Variants in ADCY7 observed in about 807,000 individuals in gnomAD.
ADCY7 encodes the protein adenylate cyclase 7, also known as adenylate cyclase type 7.
Under a neutral mutation model 120.6 loss-of-function variants are expected in ADCY7, and 72 were observed. The observed-to-expected ratio is 0.60, with a 90% CI of 0.49 to 0.73. The LOEUF is 0.73. Among genes scored for constraint, ADCY7 ranks in the 30% least tolerant of loss-of-function variants. The pLI is 0.00. For synonymous variants in ADCY7, 661 were observed against 628.0 expected, an observed-to-expected ratio of 1.05 and a Z score of -0.78; for missense variants, 1,227 against 1,486.0, an observed-to-expected ratio of 0.83 and a Z score of 2.87.
chr16:50,301,450 A>G (rs546148335), intron 10 of ADCY7, among the ~76,000 whole-genome samples: 1 of 152,196 alleles, frequency 6.6e-6, no homozygotes, highest in Non-Finnish European at 1.5e-5. Flanking sequence ...CACCAGAAGG[A>G]GCTAATCCGA....
At chr16:50,310,344 G>T in intron 18 of ADCY7, 2 of 940,754 alleles carry the variant, frequency 2.1e-6, no homozygotes, top group South Asian at 1.4e-5. Flanking sequence ...GCACAATCTT[G>T]AGCAGGGCAG....
intron 1 of ADCY7, among the ~76,000 whole-genome samples, chr16:50,257,980 A>G (rs562270331): frequency 3.3e-5 from 5 of 152,250 alleles, no homozygotes; most frequent in African/African-American, 9.6e-5. Flanking sequence ...TCTGGACTCA[A>G]GTGATACGCT....
At chr16:50,281,111 C>T (rs1231006013) in intron 1 of ADCY7, among the ~76,000 whole-genome samples, 2 of 152,186 alleles carry the variant, frequency 1.3e-5, no homozygotes, top group African/African-American at 2.4e-5. Flanking sequence ...TCTCCCTGGA[C>T]CCCATGGTTG....
chr16:50,305,425 G>A, intron 12 of ADCY7, 78 bp from the exon 13 acceptor site: 1 of 1,283,856 alleles, frequency 7.8e-7, no homozygotes, highest in South Asian at 1.2e-5. Flanking sequence ...GACCCCACTG[G>A]TGTCTACGTC....
In ADCY7 at chr16:50,304,476, G is replaced by A; in HGVS notation, c.1485G>A (p.Arg495=). The A allele has an allele frequency of 1.9e-6, 3 of 1,608,604 alleles. No individual in the cohort carries two copies. Among genetic ancestry groups the A allele is most frequent in the Non-Finnish European group, 1.7e-6 (2 of 1,177,764 alleles). Residue 495 remains arginine (R), a synonymous_variant, in exon 11 of 26, where the codon CGG becomes CGA. Coordinates refer to ENST00000673801, the MANE Select transcript of ADCY7 (RefSeq NM_001114.5). ...TRYLESWGAA[R]PFAHLNHRES... ...ACCTCGAGTCCTGGGGGGCGGCACG[G>A]CCCTTTGCACATCTCAACCACCGTG... is the stretch of plus-strand genomic sequence containing the variant.
At position 50,297,554 on chromosome 16, in the gene ADCY7, C is replaced by A. The variant is rs1476471943; in HGVS notation, c.949-1350C>A. Among the ~76,000 whole-genome samples, 2 of 152,160 alleles carry A rather than the reference C, an allele frequency of 1.3e-5. No individual in the cohort carries two copies. The highest frequency in any genetic ancestry group is 2.4e-5 in the African/African-American group (1 of 41,428). The stretch of plus-strand genomic sequence containing the variant: ...TCACTCAGCATGTGCCAGATGGGGC[C>A]CAGCAGGAAACATCTGGCACACGCT... On this transcript the variant is annotated intron_variant, in intron 7 of 25. Transcript: ENST00000673801. This position sits in a 1 kb window ranked among gnomAD's most constrained non-coding sequence, Gnocchi z 4.4.
At chr16:50,245,308 C>T (rs1190206754), upstream of ADCY7, among the ~76,000 whole-genome samples, 1 of 152,204 alleles carries the variant, frequency 6.6e-6, no homozygotes, top group Non-Finnish European at 1.5e-5. Flanking sequence ...TAACCCCTCT[C>T]AGTGAAGTGG....
intron 1 of ADCY7, among the ~76,000 whole-genome samples, chr16:50,272,350 C>T (rs1249133588): frequency 6.6e-6 from 1 of 152,176 alleles, no homozygotes; most frequent in Admixed American, 6.5e-5. Flanking sequence ...GGTGCCCTTC[C>T]TGCCCCTGTA....
rs149217321 is a variant in ADCY7, at chr16:50,269,202, CAG to C, written c.-269+2523_-269+2524del. On this transcript the variant is annotated intron_variant, in intron 1 of 25. Coordinates refer to ENST00000673801, the MANE Select transcript of ADCY7 (RefSeq NM_001114.5). The stretch of plus-strand genomic sequence containing the variant: ...GTTCACCTCCAGTTTACAGAGGAGA[CAG>C]GGCCCAGAGGGGCTGTCTATCCTGA... Among the ~76,000 whole-genome samples, 285 of 152,350 alleles carry C rather than the reference CAG, an allele frequency of 1.9e-3. 3 individuals carry two copies. The highest frequency in any genetic ancestry group is 6.7e-3 in the African/African-American group (277 of 41,576).
chr16:50,293,218 G>C (rs945453274), intron 5 of ADCY7, 136 bp from the exon 6 acceptor site: 3 of 963,084 alleles, frequency 3.1e-6, no homozygotes, highest in Non-Finnish European at 4.6e-6. Flanking sequence ...GGACATTGTG[G>C]GCAGGGCAGG....
intron 10 of ADCY7, among the ~76,000 whole-genome samples, 163 bp from the exon 11 acceptor site, chr16:50,304,197 C>T (rs112221956): frequency 1.3e-5 from 2 of 152,302 alleles, no homozygotes; most frequent in Middle Eastern, 3.4e-3. Flanking sequence ...CAAGGGCAGC[C>T]GCTCTCCAAG....
intron 5 of ADCY7, 70 bp from the exon 6 acceptor site, chr16:50,293,284 C>G (rs1253926313): frequency 1.3e-6 from 2 of 1,557,802 alleles, no homozygotes; most frequent in Non-Finnish European, 1.7e-6. Flanking sequence ...TGCTACCCTG[C>G]CTGTCCCCCG....
In ADCY7 at chr16:50,312,207, GC is replaced by G; in HGVS notation, c.2604+17del. The G allele has an allele frequency of 3.9e-6, 4 of 1,020,328 alleles. No individual in the cohort carries two copies. Among genetic ancestry groups the G allele is most frequent in the Admixed American group, 3.8e-5 (1 of 26,454 alleles). 63.2% of individuals were successfully genotyped at this position (1,020,328 alleles called of 1,614,324 possible). On this transcript the variant is annotated intron_variant, in intron 21 of 25. Transcript: ENST00000673801. ...GTTAAACGAGGTGTGCTGAGAAGGG[GC>G]TGGGGCGGGGGCAGGGAGGCGGACG... is the stretch of plus-strand genomic sequence containing the variant.
chr16:50,295,387 G>A (rs2035287068), intron 7 of ADCY7, among the ~76,000 whole-genome samples: 1 of 116,606 alleles, frequency 8.6e-6, no homozygotes, highest in Non-Finnish European at 1.7e-5. Context: ...TAGCAATGGG[G>A]TTTCGCCATG....
chr16:50,314,163 G>A (rs2036647702), intron 23 of ADCY7, 101 bp downstream of exon 23: 3 of 1,417,384 alleles, frequency 2.1e-6, no homozygotes, highest in Admixed American at 3.6e-5. Flanking sequence ...CTGGGGGAGG[G>A]GCACAGGTAC....
At position 50,308,320 on chromosome 16, in the gene ADCY7, T is replaced by A. The variant is rs752031015; in HGVS notation, c.1851-7T>A. ...AGGCAGAACTGAGGTTCTTCCCTCCTCTCCAGGACGGCGGCACTGGGTGTG... is the reference window on the plus strand; with the variant it reads ...AGGCAGAACTGAGGTTCTTCCCTCCACTCCAGGACGGCGGCACTGGGTGTG... On this transcript the variant is annotated splice_region_variant and splice_polypyrimidine_tract_variant and intron_variant, in intron 15 of 25. Coordinates refer to ENST00000673801, the MANE Select transcript of ADCY7 (RefSeq NM_001114.5). 1.2e-6 allele frequency: 2 copies of A among 1,614,120 alleles called. No individual in the cohort carries two copies. Among genetic ancestry groups the A allele is most frequent in the Non-Finnish European group, 1.7e-6 (2 of 1,180,024 alleles).
At chr16:50,309,345 T>A in intron 17 of ADCY7, 1 of 540,048 alleles carries the variant, frequency 1.9e-6, no homozygotes, top group Non-Finnish European at 3.3e-6. Context: ...GTCTGCACCC[T>A]CATCTCCTAG....
intron 1 of ADCY7, among the ~76,000 whole-genome samples, chr16:50,274,728 C>A (rs551604368): frequency 6.6e-6 from 1 of 152,250 alleles, no homozygotes; most frequent in East Asian, 1.9e-4. Context: ...CCTCACTGAG[C>A]TCCATGGGTG....
Position 50,309,563 on chromosome 16 carries a change from C to G in ADCY7, c.2077C>G (p.Gln693Glu). The change falls in exon 18 of 26, where the codon CAA becomes GAA. Residue 693 changes from glutamine to glutamate, a missense_variant. By Grantham distance (29) the Gln-to-Glu change is conservative. Transcript: ENST00000673801. ...AIINLPLMPF[Q>E]VPELPVGNET... is the part of the protein sequence containing the mutation. ...TCCTCTACAGCCCCTGATGCCTTTC[C>G]AAGTTCCAGAGCTGCCTGTTGGCAA... The G allele has an allele frequency of 6.2e-7, 1 of 1,614,036 alleles. No homozygotes were observed. Among genetic ancestry groups the G allele is most frequent in the Admixed American group, 1.7e-5 (1 of 60,022 alleles).
Sources: allele counts gnomAD v4.1 joint callset (sites outside exome capture counted in the v4.1 genomes callset), GRCh38; gene constraint gnomAD v4.1.1; non-coding constraint Gnocchi (gnomAD v3.1); transcripts MANE v1.5; gene names NCBI Gene and HGNC (gene_info 2026-07-23, HGNC 2026-07-21).